The following AGBL4 variants were observed in gnomAD, a reference collection of about 807,000 sequenced individuals.
AGBL4 encodes the protein cytosolic carboxypeptidase 6.
In AGBL4, 58 loss-of-function variants were observed where a neutral mutation model predicts 66.4. The ratio of observed to expected loss-of-function variants is 0.87; its 90% CI spans 0.71 to 1.09. The LOEUF is 1.09. AGBL4 is among the 50% of genes least tolerant of loss of function. The pLI, the probability that AGBL4 is intolerant of heterozygous loss-of-function variation, is 0.00. For synonymous variants in AGBL4, 234 were observed against 222.9 expected (o/e 1.05, Z -0.44); for missense variants, 579 against 631.0 (o/e 0.92, Z 0.88).
chr1:48,950,247 C>T (rs1449981678), intron 5 of AGBL4, among the ~76,000 whole-genome samples: 3 of 152,124 alleles, frequency 2.0e-5, no homozygotes, highest in Non-Finnish European at 4.4e-5. Context: ...CAGGCGTGTG[C>T]CACCACACCT....
At chr1:48,908,332 A>G (rs907276341) in intron 5 of AGBL4, among the ~76,000 whole-genome samples, 11 of 151,258 alleles carry the variant, frequency 7.3e-5, no homozygotes, top group East Asian at 1.9e-4. Context: ...AAATTCGGGG[A>G]AAAAAAAAGA....
intron 1 of AGBL4, among the ~76,000 whole-genome samples, chr1:49,887,416 T>C (rs1452596450): frequency 6.6e-6 from 1 of 151,874 alleles, no homozygotes; most frequent in African/African-American, 2.4e-5. Flanking sequence ...GGTATGAAGT[T>C]GTGAATCTGG....
chr1:49,292,841 C>G (rs1268431799), intron 3 of AGBL4, among the ~76,000 whole-genome samples: 1 of 152,172 alleles, frequency 6.6e-6, no homozygotes, highest in Non-Finnish European at 1.5e-5. Flanking sequence ...AGCTCCTGTT[C>G]ACCTTGCTTA....
intron 6 of AGBL4, among the ~76,000 whole-genome samples, chr1:48,680,859 T>C (rs319958): frequency 0.29 from 43,749 of 152,100 alleles, 8,148 homozygotes; most frequent in African/African-American, 0.53. Flanking sequence ...GGGGCAGAGC[T>C]GTTTCCAGGA....
At chr1:49,682,398 G>A (rs908561514) in intron 3 of AGBL4, among the ~76,000 whole-genome samples, 6 of 152,116 alleles carry the variant, frequency 3.9e-5, no homozygotes, top group South Asian at 2.1e-4. Context: ...GTGAGACTCC[G>A]TCCCCCCAGA....
intron 4 of AGBL4, among the ~76,000 whole-genome samples, chr1:49,068,559 C>G (rs540301291): frequency 1.3e-4 from 20 of 152,206 alleles, no homozygotes; most frequent in African/African-American, 4.8e-4. Context: ...AGGACATGAA[C>G]TCATCGTTTT....
intron 1 of AGBL4, among the ~76,000 whole-genome samples, chr1:49,944,285 CCA>C (rs1655020828): frequency 6.6e-6 from 1 of 152,078 alleles, no homozygotes; most frequent in Admixed American, 6.6e-5. Flanking sequence ...CTAAGGACCC[CCA>C]CAGAGTCCAT....
chr1:49,142,498 A>G (rs923206272), intron 4 of AGBL4, among the ~76,000 whole-genome samples: 5 of 152,204 alleles, frequency 3.3e-5, no homozygotes, highest in African/African-American at 1.2e-4. Flanking sequence ...AAATAAGATT[A>G]ATAACACCTG....
rs181928389 is a variant in AGBL4 at position 49,527,011 on chromosome 1, T to C, written c.282+170302A>G. ...AACATTAGGTTGATGATACTGTACT[T>C]AGAAATTATTTATCCTTTCTCTTAT... On this transcript the variant is annotated intron_variant, in intron 3 of 13. Coordinates refer to ENST00000371839, the MANE Select transcript of AGBL4 (RefSeq NM_032785.4). Among the ~76,000 whole-genome samples the C allele has an allele frequency of 1.6e-3, 238 of 152,296 alleles. 2 individuals are homozygous for C. Among genetic ancestry groups the C allele is most frequent in the African/African-American group, 4.9e-3 (202 of 41,588 alleles).
chr1:48,626,810 TGGGG>T (rs1645510514), intron 9 of AGBL4, among the ~76,000 whole-genome samples: 2 of 152,190 alleles, frequency 1.3e-5, no homozygotes, highest in African/African-American at 4.8e-5. Context: ...AACAAAGGTT[TGGGG>T]ACCCACAGTC....
intron 3 of AGBL4, among the ~76,000 whole-genome samples, chr1:49,508,291 TA>T (rs141992581): frequency 0.011 from 1,664 of 152,078 alleles, 27 homozygotes; most frequent in African/African-American, 0.038. Context: ...TTTGAAAAGT[TA>T]AAAGTTCCAG....
intron 5 of AGBL4, among the ~76,000 whole-genome samples, chr1:48,918,409 C>G (rs147794345): frequency 6.6e-6 from 1 of 152,352 alleles, no homozygotes; most frequent in East Asian, 1.9e-4. Context: ...ACGGAAACAA[C>G]TGCCCTCCAA....
At chr1:49,115,541 T>A (rs1467678567) in intron 4 of AGBL4, among the ~76,000 whole-genome samples, 1 of 152,080 alleles carries the variant, frequency 6.6e-6, no homozygotes, top group Non-Finnish European at 1.5e-5. Context: ...TCTACTCCAA[T>A]TTGGTCAATA....
chr1:49,238,522 G>C (rs997970721), intron 4 of AGBL4, among the ~76,000 whole-genome samples: 1 of 152,238 alleles, frequency 6.6e-6, no homozygotes, highest in South Asian at 2.1e-4. Flanking sequence ...CTGACACCAC[G>C]AAGAGGAAGG....
the AGBL4 span, among the ~76,000 whole-genome samples, chr1:48,522,925 C>CA: frequency 5.5e-4 from 74 of 133,664 alleles, no homozygotes; most frequent in Middle Eastern, 3.9e-3. Flanking sequence ...GACTCCATCT[C>CA]AAAAAAAAAA....
intron 3 of AGBL4, among the ~76,000 whole-genome samples, chr1:49,556,707 G>C (rs186040293): frequency 1.3e-5 from 2 of 151,948 alleles, no homozygotes; most frequent in Admixed American, 1.3e-4. Flanking sequence ...GCTAGGTGCC[G>C]GCACTCTTCA....
chr1:49,994,299 C>A, intron 1 of AGBL4: 1 of 141,958 alleles, frequency 7.0e-6, no homozygotes, highest in Non-Finnish European at 1.5e-5. Flanking sequence ...TGTTGAACTA[C>A]ACCATGGGAA....
At chr1:48,667,279 C>T (rs1479118657) in intron 6 of AGBL4, among the ~76,000 whole-genome samples, 1 of 152,170 alleles carries the variant, frequency 6.6e-6, no homozygotes, top group Non-Finnish European at 1.5e-5. Flanking sequence ...TGGCTTCCAT[C>T]TTGGGTGTGA....
At chr1:49,952,012 T>A (rs183076281) in intron 1 of AGBL4, among the ~76,000 whole-genome samples, 1 of 151,910 alleles carries the variant, frequency 6.6e-6, no homozygotes, top group East Asian at 1.9e-4. Context: ...AAGTGATGAA[T>A]GGGGAGTTAT....
Sources: gnomAD v4.1 joint callset for allele counts (sites outside exome capture counted in the v4.1 genomes callset) on GRCh38, gnomAD v4.1.1 for gene constraint, MANE v1.5 for transcripts, NCBI Gene and HGNC (gene_info 2026-07-23, HGNC 2026-07-21) for gene names.